The following SLC39A11 variants were observed in gnomAD, a reference collection of about 807,000 sequenced individuals.
SLC39A11 encodes solute carrier family 39 member 11.
In SLC39A11, 33 loss-of-function variants were observed where a neutral mutation model predicts 36.1. That is an observed-to-expected ratio of 0.91 (90% CI 0.69 to 1.22). The LOEUF (loss-of-function observed/expected upper bound fraction) is 1.22. Ranked by LOEUF, SLC39A11 falls within the 50% of genes most tolerant of loss-of-function variation. SLC39A11 has a pLI of 0.00. For missense variants in SLC39A11, 432 were observed against 430.3 expected, an observed-to-expected ratio of 1.00 and a Z score of -0.03; for synonymous variants, 166 against 170.3, an observed-to-expected ratio of 0.97 and a Z score of 0.20.
intron 6 of SLC39A11, among the ~76,000 whole-genome samples, chr17:72,756,720 A>G (rs1365302565): frequency 6.6e-6 from 1 of 152,256 alleles, no homozygotes; most frequent in Admixed American, 6.5e-5. Context: ...TGGTTGCACA[A>G]CATTATAAAT....
rs56036208 is a variant in SLC39A11, at chr17:72,949,144, C to CTTTTTTTTTTTTTTTTTT, written c.307-1287_307-1270dup. On this transcript the variant is annotated intron_variant, in intron 4 of 9. Coordinates refer to ENST00000255559, the MANE Select transcript of SLC39A11 (RefSeq NM_139177.4). ...AAATAAAATACCATACACTGGGCAGCTTTTTTTTTTTTTTTTTTTTTTTTT... is the reference window on the plus strand; with the variant it reads ...AAATAAAATACCATACACTGGGCAGCTTTTTTTTTTTTTTTTTTTTTTTTTTTTTTTTTTTTTTTTTTT... Among the ~76,000 whole-genome samples the CTTTTTTTTTTTTTTTTTT allele has an allele frequency of 3.2e-3, 117 of 36,510 alleles. 32 individuals carry two copies. The highest frequency in any genetic ancestry group is 6.9e-3 in the East Asian group (6 of 866). 24.0% of individuals were successfully genotyped at this position (36,510 alleles called of 152,430 possible).
intron 5 of SLC39A11, among the ~76,000 whole-genome samples, chr17:72,916,595 C>T (rs73345528): frequency 0.14 from 20,883 of 152,160 alleles, 2,856 homozygotes; most frequent in African/African-American, 0.35. Flanking sequence ...TTCACAAACC[C>T]TCTCTTCCCC....
At chr17:72,714,190 T>C (rs931053330) in intron 7 of SLC39A11, among the ~76,000 whole-genome samples, 8 of 151,972 alleles carry the variant, frequency 5.3e-5, no homozygotes, top group Non-Finnish European at 1.0e-4. Flanking sequence ...ACCTCGTCTC[T>C]ACTAAAAATA....
intron 4 of SLC39A11, among the ~76,000 whole-genome samples, chr17:72,972,315 C>G (rs1295628282): frequency 6.6e-6 from 1 of 152,168 alleles, no homozygotes. Context: ...CACAGCCCAG[C>G]CAGGTAAGGG....
At chr17:73,011,867 G>A (rs1319110815) in intron 4 of SLC39A11, among the ~76,000 whole-genome samples, 2 of 150,872 alleles carry the variant, frequency 1.3e-5, no homozygotes. Flanking sequence ...TCACCATGTT[G>A]GCCAGGCTGG....
At chr17:72,842,102 G>GTGTGTGTGTGTGTGCA (rs1555592106) in intron 6 of SLC39A11, among the ~76,000 whole-genome samples, 168 of 151,284 alleles carry the variant, frequency 1.1e-3, no homozygotes, top group African/African-American at 3.8e-3. Context: ...GTGTGTGTGT[G>GTGTGTGTGTGTGTGCA]CACGCACGCG....
At chr17:73,001,858 G>A (rs865864120) in intron 4 of SLC39A11, among the ~76,000 whole-genome samples, 205 of 152,300 alleles carry the variant, frequency 1.3e-3, no homozygotes, top group African/African-American at 4.7e-3. Context: ...CCAGGGCAAT[G>A]GAAAGTATCA....
At chr17:72,990,598 T>C (rs1362073478) in intron 4 of SLC39A11, among the ~76,000 whole-genome samples, 1 of 152,254 alleles carries the variant, frequency 6.6e-6, no homozygotes, top group Non-Finnish European at 1.5e-5. Context: ...CTAATTTTTT[T>C]TGTATTTTTA....
rs181672645 is a variant in SLC39A11 at position 72,778,189 on chromosome 17, G to A, written c.602-41470C>T. 7.2e-4 allele frequency among the ~76,000 whole-genome samples: 110 copies of A among 152,342 alleles called. No individual in the cohort carries two copies. The East Asian group carries it at 0.021, about 29-fold the overall frequency. On this transcript the variant is annotated intron_variant, in intron 6 of 9. Transcript: ENST00000255559. ...CAAAGTGCTGGGATTACAGGCATGA[G>A]CCACCAGGCCTGGCCCATTGTCTCA...
intron 6 of SLC39A11, among the ~76,000 whole-genome samples, chr17:72,824,514 T>A (rs1790916993): frequency 6.6e-6 from 1 of 151,328 alleles, no homozygotes; most frequent in Non-Finnish European, 1.5e-5. Flanking sequence ...AATGTGGACG[T>A]GACTTTGGAA....
At chr17:72,846,738 A>G (rs2079071209) in intron 6 of SLC39A11, among the ~76,000 whole-genome samples, 2 of 152,344 alleles carry the variant, frequency 1.3e-5, no homozygotes, top group South Asian at 4.1e-4. Flanking sequence ...TGTTCTTCAG[A>G]GAAATAGTTG....
chr17:72,765,804 C>A (rs1416347018), intron 6 of SLC39A11, among the ~76,000 whole-genome samples: 1 of 152,200 alleles, frequency 6.6e-6, no homozygotes, highest in Non-Finnish European at 1.5e-5. Context: ...AAGAGAGATT[C>A]TTTTCCCCTA....
At chr17:72,688,761 G>C (rs576186398) in intron 7 of SLC39A11, among the ~76,000 whole-genome samples, 1 of 152,200 alleles carries the variant, frequency 6.6e-6, no homozygotes, top group African/African-American at 2.4e-5. Flanking sequence ...ACTGGTCTGT[G>C]CAAATCCCTG....
chr17:72,813,525 C>A (rs911882381), intron 6 of SLC39A11, among the ~76,000 whole-genome samples: 3 of 152,206 alleles, frequency 2.0e-5, no homozygotes, highest in African/African-American at 7.2e-5. Flanking sequence ...CAAATACATT[C>A]ATGGATCAGA....
intron 4 of SLC39A11, among the ~76,000 whole-genome samples, chr17:73,030,237 A>C (rs377028445): frequency 6.6e-6 from 1 of 152,148 alleles, no homozygotes; most frequent in South Asian, 2.1e-4. Context: ...CAAGCCATTG[A>C]CCAGTAGCGG....
chr17:72,948,783 T>C (rs1202288227), intron 4 of SLC39A11, among the ~76,000 whole-genome samples: 1 of 152,338 alleles, frequency 6.6e-6, no homozygotes, highest in East Asian at 1.9e-4. Flanking sequence ...ATTAATTAAC[T>C]GCCAACTCTG....
chr17:72,753,098 C>T (rs1568032765), intron 6 of SLC39A11, among the ~76,000 whole-genome samples: 3 of 151,232 alleles, frequency 2.0e-5, no homozygotes, highest in Admixed American at 6.6e-5. Flanking sequence ...ACTCAAGTGA[C>T]CCTCCAACCT....
chr17:72,861,932 C>G (rs2080061504), intron 5 of SLC39A11, among the ~76,000 whole-genome samples: 1 of 150,868 alleles, frequency 6.6e-6, no homozygotes, highest in Non-Finnish European at 1.5e-5. Context: ...GAAGAACAAG[C>G]ACCACTCTGT....
rs544873172 is a variant in SLC39A11, at chr17:72,901,518, G to A, written c.430+46234C>T. Among the ~76,000 whole-genome samples the A allele has an allele frequency of 8.4e-4, 128 of 152,288 alleles. 3 individuals carry two copies. The South Asian group carries it at 0.023, about 28-fold the overall frequency. On this transcript the variant is annotated intron_variant, in intron 5 of 9. Coordinates refer to ENST00000255559, the MANE Select transcript of SLC39A11 (RefSeq NM_139177.4). ...GAAAACACCCACCTGGATGGGCCGG[G>A]AAGGCAGACCACAGGAGAGAGGCTC...
Sources: allele counts gnomAD v4.1 joint callset (sites outside exome capture counted in the v4.1 genomes callset), GRCh38; gene constraint gnomAD v4.1.1; transcripts MANE v1.5; gene names NCBI Gene and HGNC (gene_info 2026-07-23, HGNC 2026-07-21).